The following KIF16B variants were observed in gnomAD, a reference collection of about 807,000 sequenced individuals.
KIF16B encodes the protein kinesin family member 16B, also known as kinesin-like protein KIF16B.
KIF16B carries 98 observed loss-of-function variants against 156.3 expected under a neutral mutation model. The ratio of observed to expected loss-of-function variants is 0.63; its 90% CI spans 0.53 to 0.74. KIF16B has a LOEUF of 0.74. Ranked by LOEUF, KIF16B falls within the 30% of genes least tolerant of loss-of-function variation. The pLI, the probability that KIF16B is intolerant of heterozygous loss-of-function variation, is 0.00. For missense variants in KIF16B, 1,421 were observed against 1,606.5 expected (o/e 0.88, Z 1.97); for synonymous variants, 564 against 583.7 (o/e 0.97, Z 0.49).
chr20:16,466,290 A>G lies in KIF16B; in HGVS notation c.1302+28001T>C, dbSNP rs202101892. ...AAGCCGAACAAACTGAAAAAGCATC[A>G]ACTTTACTCAGATTCATCAGAGAAG... On this transcript the variant is annotated intron_variant, in intron 12 of 25. Coordinates refer to ENST00000354981, the MANE Select transcript of KIF16B (RefSeq NM_024704.5). Among the ~76,000 whole-genome samples the G allele has an allele frequency of 7.9e-5, 12 of 152,186 alleles. No homozygotes were observed. The East Asian group carries it at 2.3e-3, about 29-fold the overall frequency.
intron 25 of KIF16B, among the ~76,000 whole-genome samples, chr20:16,280,111 C>T (rs1385668113): frequency 6.6e-6 from 1 of 152,192 alleles, no homozygotes; most frequent in Non-Finnish European, 1.5e-5. Flanking sequence ...AGGAAACATG[C>T]TTTGGAGTTA....
intron 24 of KIF16B, among the ~76,000 whole-genome samples, chr20:16,326,359 C>T (rs577337321): frequency 6.6e-6 from 1 of 150,848 alleles, no homozygotes; most frequent in East Asian, 1.9e-4. Flanking sequence ...GCAGAATAAA[C>T]AGACAGCCCA....
intron 15 of KIF16B, among the ~76,000 whole-genome samples, chr20:16,417,353 T>C (rs2066116278): frequency 6.6e-6 from 1 of 152,082 alleles, no homozygotes; most frequent in South Asian, 2.1e-4. Context: ...CTGCAAAGGA[T>C]CTGAACACTG....
At position 16,564,069 on chromosome 20, in the gene KIF16B, GACAA is replaced by G. The variant is rs556584133; in HGVS notation, c.47+9156_47+9159del. ...TTTTCTCTTCTTCAAAACAAAAAGAGACAAACAAAAAAATCTGTCTTCTGCTGAG... is the reference window on the plus strand; with the variant it reads ...TTTTCTCTTCTTCAAAACAAAAAGAGACAAAAAAATCTGTCTTCTGCTGAG... On this transcript the variant is annotated intron_variant, in intron 1 of 25. Transcript: ENST00000354981. Among the ~76,000 whole-genome samples the G allele has an allele frequency of 4.4e-3, 669 of 152,156 alleles. 4 individuals are homozygous for G. Among genetic ancestry groups the G allele is most frequent in the Non-Finnish European group, 4.6e-3 (315 of 68,000 alleles).
At chr20:16,562,672 C>T (rs930896058) in intron 1 of KIF16B, among the ~76,000 whole-genome samples, 3 of 152,200 alleles carry the variant, frequency 2.0e-5, no homozygotes, top group Admixed American at 6.5e-5. Flanking sequence ...AAGATCTACA[C>T]GGTGACTGGC....
In KIF16B at chr20:16,490,608, T is replaced by C. The variant is rs948060520; in HGVS notation, c.1302+3683A>G. 3.3e-5 allele frequency among the ~76,000 whole-genome samples: 5 copies of C among 151,998 alleles called. No homozygotes were observed. The East Asian group carries it at 7.7e-4, about 23-fold the overall frequency. On this transcript the variant is annotated intron_variant, in intron 12 of 25. Transcript: ENST00000354981. ...CTAGGATACACACAGGGAGACCAAG[T>C]TGCAGGCACAAAAAACAAGGCCATA...
At chr20:16,516,976 G>C (rs2069165080) in intron 3 of KIF16B, among the ~76,000 whole-genome samples, 1 of 152,226 alleles carries the variant, frequency 6.6e-6, no homozygotes, top group South Asian at 2.1e-4. Flanking sequence ...ATGGAAGCCA[G>C]ATTCCCATTA....
chr20:16,455,334 C>T (rs529822487), intron 12 of KIF16B, among the ~76,000 whole-genome samples: 2 of 151,404 alleles, frequency 1.3e-5, no homozygotes, highest in East Asian at 3.9e-4. Context: ...GTATGAGCCA[C>T]TGCACCTGGC....
intron 25 of KIF16B, among the ~76,000 whole-genome samples, chr20:16,288,839 A>G (rs1181215119): frequency 1.3e-5 from 2 of 152,170 alleles, no homozygotes; most frequent in Non-Finnish European, 2.9e-5. Flanking sequence ...GGATCCCATC[A>G]TAAGTGGAAG....
chr20:16,490,120 A>C (rs1168875809), intron 12 of KIF16B, among the ~76,000 whole-genome samples: 1 of 152,170 alleles, frequency 6.6e-6, no homozygotes, highest in African/African-American at 2.4e-5. Flanking sequence ...CCTAAAATTC[A>C]TGTTGAAGCC....
intron 22 of KIF16B, among the ~76,000 whole-genome samples, chr20:16,365,358 C>T (rs2064641173): frequency 6.6e-6 from 1 of 152,114 alleles, no homozygotes; most frequent in African/African-American, 2.4e-5. Flanking sequence ...AAATTAGTGA[C>T]TATTTTTAAT....
intron 12 of KIF16B, among the ~76,000 whole-genome samples, chr20:16,481,127 C>T (rs572079228): frequency 1.4e-4 from 22 of 152,306 alleles, no homozygotes; most frequent in African/African-American, 4.1e-4. Context: ...TCTCCTTTCA[C>T]GTGTCTGCGG....
chr20:16,284,472 T>C (rs572346066), intron 25 of KIF16B, among the ~76,000 whole-genome samples: 3 of 152,318 alleles, frequency 2.0e-5, no homozygotes, highest in Admixed American at 2.0e-4. Context: ...TCCTCTCTCT[T>C]GCATATTATC....
chr20:16,423,861 C>T (rs1378028443), intron 15 of KIF16B, among the ~76,000 whole-genome samples: 4 of 151,968 alleles, frequency 2.6e-5, no homozygotes, highest in South Asian at 2.1e-4. Flanking sequence ...GTCAGTGAAT[C>T]GTGTTTTAAC....
chr20:16,391,392 C>T (rs1238770200), intron 17 of KIF16B, among the ~76,000 whole-genome samples: 2 of 152,154 alleles, frequency 1.3e-5, no homozygotes, highest in Non-Finnish European at 2.9e-5. Flanking sequence ...GGTCAACATG[C>T]CAGGCACTAT....
chr20:16,497,018 A>G (rs2068470306), intron 11 of KIF16B, among the ~76,000 whole-genome samples: 1 of 152,106 alleles, frequency 6.6e-6, no homozygotes, highest in Non-Finnish European at 1.5e-5. Flanking sequence ...AGAAGTTTAA[A>G]AAAAAAAAAG....
intron 12 of KIF16B, among the ~76,000 whole-genome samples, chr20:16,431,165 G>T (rs1263827590): frequency 6.6e-6 from 1 of 151,966 alleles, no homozygotes; most frequent in African/African-American, 2.4e-5. Context: ...CGTGCCTCTG[G>T]CCCAAACCAT....
At chr20:16,375,003 G>C (rs1276859551) in intron 19 of KIF16B, among the ~76,000 whole-genome samples, 1 of 152,198 alleles carries the variant, frequency 6.6e-6, no homozygotes, top group East Asian at 1.9e-4. Flanking sequence ...AGAGGGCATG[G>C]GAAGGGGAAG....
At chr20:16,275,623 C>T (rs1349504174) in intron 25 of KIF16B, among the ~76,000 whole-genome samples, 1 of 152,252 alleles carries the variant, frequency 6.6e-6, no homozygotes, top group East Asian at 1.9e-4. Context: ...GATGTTTTTT[C>T]TTGTTCCATA....
Sources: gnomAD v4.1 joint callset for allele counts (sites outside exome capture counted in the v4.1 genomes callset) on GRCh38, gnomAD v4.1.1 for gene constraint, MANE v1.5 for transcripts, NCBI Gene and HGNC (gene_info 2026-07-23, HGNC 2026-07-21) for gene names.